The following CDC42BPB variants were observed in gnomAD, a reference collection of about 807,000 sequenced individuals.
CDC42BPB encodes serine/threonine-protein kinase MRCK beta.
Under a neutral mutation model 214.9 loss-of-function variants are expected in CDC42BPB, and 37 were observed. The ratio of observed to expected loss-of-function variants is 0.17; its 90% CI spans 0.13 to 0.23. CDC42BPB has a LOEUF of 0.23. Ranked by LOEUF, CDC42BPB falls within the 10% of genes least tolerant of loss-of-function variation. The pLI is 1.00. For synonymous variants in CDC42BPB, 931 were observed against 884.0 expected, an observed-to-expected ratio of 1.05 and a Z score of -0.94; for missense variants, 1,694 against 2,227.0, an observed-to-expected ratio of 0.76 and a Z score of 4.82.
chr14:102,949,675 T>G, intron 26 of CDC42BPB, 90 bp downstream of exon 26: 1 of 1,529,706 alleles, frequency 6.5e-7, no homozygotes, highest in Non-Finnish European at 9.0e-7. Flanking sequence ...ACTAATGAGG[T>G]GAAAGACTAC....
At chr14:103,033,267 G>C (rs1012589706) in intron 1 of CDC42BPB, among the ~76,000 whole-genome samples, 1 of 151,962 alleles carries the variant, frequency 6.6e-6, no homozygotes, top group African/African-American at 2.4e-5. Flanking sequence ...TGTCACCCAG[G>C]CTGGAGTGCA....
chr14:103,026,245 G>T (rs1043241478), intron 1 of CDC42BPB, among the ~76,000 whole-genome samples: 3 of 151,394 alleles, frequency 2.0e-5, no homozygotes, highest in Non-Finnish European at 2.9e-5. Flanking sequence ...ACAAAAATTA[G>T]CTGGGCATGG....
At chr14:103,008,642 A>C (rs1329007880) in intron 2 of CDC42BPB, 87 bp from the exon 3 acceptor site, 9 of 1,544,972 alleles carry the variant, frequency 5.8e-6, no homozygotes, top group Non-Finnish European at 7.9e-6. Context: ...AAATCCTAAC[A>C]GCCCAGGAGC....
At chr14:103,025,436 A>G (rs1345079574) in intron 1 of CDC42BPB, among the ~76,000 whole-genome samples, 3 of 152,004 alleles carry the variant, frequency 2.0e-5, no homozygotes, top group African/African-American at 4.8e-5. Flanking sequence ...CAAAAACTGT[A>G]AACTACCCAA....
At chr14:103,042,255 T>C (rs1888041882) in intron 1 of CDC42BPB, among the ~76,000 whole-genome samples, 1 of 152,120 alleles carries the variant, frequency 6.6e-6, no homozygotes, top group Non-Finnish European at 1.5e-5. Context: ...ATGTCCAATA[T>C]GGGGCTTGTA....
At chr14:103,032,139 C>G (rs1186179027) in intron 1 of CDC42BPB, among the ~76,000 whole-genome samples, 2 of 152,024 alleles carry the variant, frequency 1.3e-5, no homozygotes, top group Non-Finnish European at 2.9e-5. Flanking sequence ...AGAAGCAACA[C>G]GTATTTCATT....
chr14:102,934,520 C>T (rs932412769), intron 36 of CDC42BPB, among the ~76,000 whole-genome samples: 15 of 150,758 alleles, frequency 9.9e-5, no homozygotes, highest in South Asian at 2.1e-4. Context: ...GGCGACAGAG[C>T]GAGACTCCGT....
At chr14:102,954,786 C>G (rs1275134757) in intron 21 of CDC42BPB, 98 bp from the exon 22 acceptor site, 2 of 1,500,112 alleles carry the variant, frequency 1.3e-6, no homozygotes, top group African/African-American at 1.4e-5. Flanking sequence ...CAGATTCTGT[C>G]TAGCCCAGAA....
chr14:102,997,979 T>C (rs1018332000), intron 5 of CDC42BPB, among the ~76,000 whole-genome samples: 1 of 152,172 alleles, frequency 6.6e-6, no homozygotes, highest in South Asian at 2.1e-4. Context: ...ATCCCATCTC[T>C]ACTAAAAATA....
intron 1 of CDC42BPB, among the ~76,000 whole-genome samples, chr14:103,027,445 G>A (rs1484009211): frequency 3.3e-5 from 5 of 152,244 alleles, no homozygotes; most frequent in South Asian, 4.1e-4. Flanking sequence ...AGCATCATTC[G>A]TAATAGTCAA....
intron 1 of CDC42BPB, among the ~76,000 whole-genome samples, chr14:103,026,001 C>T (rs1216633708): frequency 2.6e-5 from 4 of 152,134 alleles, no homozygotes; most frequent in African/African-American, 9.7e-5. Flanking sequence ...GGCTGGACAA[C>T]CACATGCTGA....
intron 1 of CDC42BPB, among the ~76,000 whole-genome samples, chr14:103,043,152 G>A (rs146701454): frequency 9.2e-5 from 14 of 152,244 alleles, no homozygotes; most frequent in African/African-American, 2.6e-4. Context: ...GCTGAGGCAG[G>A]AGAATCGCTT....
chr14:102,934,009 T>G, intron 36 of CDC42BPB, 166 bp from the exon 37 acceptor site: 1 of 1,368,372 alleles, frequency 7.3e-7, no homozygotes, highest in Non-Finnish European at 9.3e-7. Flanking sequence ...GTGGGGCCCT[T>G]AGGCGTGCTG....
intron 3 of CDC42BPB, among the ~76,000 whole-genome samples, chr14:103,007,902 G>A (rs975969569): frequency 6.6e-5 from 10 of 152,234 alleles, no homozygotes. Context: ...GAGGAAAAGC[G>A]TGGGCTCCCC....
At chr14:102,998,696 T>C (rs960904157) in intron 5 of CDC42BPB, among the ~76,000 whole-genome samples, 6 of 152,144 alleles carry the variant, frequency 3.9e-5, no homozygotes, top group African/African-American at 1.4e-4. Context: ...TCAGCTCAAC[T>C]CCTGCAAGTC....
intron 36 of CDC42BPB, among the ~76,000 whole-genome samples, chr14:102,935,289 T>C (rs1891600436): frequency 6.6e-6 from 1 of 152,084 alleles, no homozygotes; most frequent in Admixed American, 6.6e-5. Context: ...CACAAGTCAG[T>C]TGTGTTTCTA....
At chr14:102,976,200 A>C (rs1893736128) in intron 9 of CDC42BPB, 151 bp from the exon 10 acceptor site, 1 of 1,443,386 alleles carries the variant, frequency 6.9e-7, no homozygotes, top group Admixed American at 2.7e-5. Context: ...AACCAAAGTT[A>C]GACAAGTGAC....
At chr14:102,945,149 C>A (rs1224280161) in intron 29 of CDC42BPB, 1 of 431,582 alleles carries the variant, frequency 2.3e-6, no homozygotes, top group Non-Finnish European at 4.7e-6. Context: ...GATGCTGGGT[C>A]TGTCGGGAAA....
At chr14:103,054,384 G>A (rs889611632) in intron 1 of CDC42BPB, among the ~76,000 whole-genome samples, 8 of 152,202 alleles carry the variant, frequency 5.3e-5, no homozygotes, top group African/African-American at 1.9e-4. Flanking sequence ...GGTTTCAAAT[G>A]TCATGGAGTG....
Sources: gnomAD v4.1 joint callset for allele counts (sites outside exome capture counted in the v4.1 genomes callset) on GRCh38, gnomAD v4.1.1 for gene constraint, MANE v1.5 for transcripts, NCBI Gene and HGNC (gene_info 2026-07-23, HGNC 2026-07-21) for gene names.